CA5A: variants seen among roughly 807,000 people sequenced by gnomAD.
CA5A encodes the protein carbonic anhydrase 5A, mitochondrial.
In CA5A, 28 loss-of-function variants were observed where a neutral mutation model predicts 37.1. That is an observed-to-expected ratio of 0.75 (90% CI 0.56 to 1.03). The LOEUF (loss-of-function observed/expected upper bound fraction) is 1.03, where lower values mean the gene tolerates loss of function less well. Ranked by LOEUF, CA5A falls within the 50% of genes least tolerant of loss-of-function variation. CA5A has a pLI of 0.00. For synonymous variants in CA5A, 171 were observed against 158.4 expected, an observed-to-expected ratio of 1.08 and a Z score of -0.60; for missense variants, 444 against 399.9, an observed-to-expected ratio of 1.11 and a Z score of -0.94.
chr16:87,914,303 C>T (rs1025985482), intron 2 of CA5A, among the ~76,000 whole-genome samples: 10 of 152,192 alleles, frequency 6.6e-5, no homozygotes, highest in East Asian at 1.9e-4. Flanking sequence ...AGCTCATCAC[C>T]GTCCATCTCC....
chr16:87,898,309 C>T (rs1487427850), intron 5 of CA5A, among the ~76,000 whole-genome samples: 7 of 152,208 alleles, frequency 4.6e-5, no homozygotes, highest in Non-Finnish European at 8.8e-5. Flanking sequence ...CTGCTGAGTC[C>T]GCGGGGGAGT....
chr16:87,931,204 C>T lies in CA5A; in HGVS notation c.143-4259G>A, dbSNP rs1019921504. On this transcript the variant is annotated intron_variant, in intron 1 of 6. Transcript: ENST00000649794. ...TCAGTTCACTGCAACCTCCGCCTCC[C>T]GGGTTCAAGTGATTCTCCTGCCTCA... Among the ~76,000 whole-genome samples the T allele has an allele frequency of 4.6e-5, 7 of 151,674 alleles. 1 individual carries two copies. The highest frequency in any genetic ancestry group is 6.8e-3 in the Middle Eastern group (2 of 294).
In CA5A at chr16:87,911,294, G is replaced by A. The variant is rs566079782; in HGVS notation, c.341-6390C>T. Among the ~76,000 whole-genome samples, 14 of 152,026 alleles carry A rather than the reference G, an allele frequency of 9.2e-5. No individual in the cohort carries two copies. The highest frequency in any genetic ancestry group is 1.9e-4 in the East Asian group (1 of 5,194). On this transcript the variant is annotated intron_variant, in intron 2 of 6. Transcript: ENST00000649794. This position sits in a 1 kb window ranked among gnomAD's most constrained non-coding sequence, Gnocchi z 4.6. ...GATATAATTGAACGATTGCCTCAGCGCGTGCCAGACTCTCCAAACATAATA... is the reference window on the plus strand; with the variant it reads ...GATATAATTGAACGATTGCCTCAGCACGTGCCAGACTCTCCAAACATAATA...
chr16:87,890,667 G>A (rs1477911602), intron 6 of CA5A, among the ~76,000 whole-genome samples: 2 of 152,146 alleles, frequency 1.3e-5, no homozygotes, highest in Non-Finnish European at 2.9e-5. Context: ...CCAGGTTGGA[G>A]TGCAGTGGTG....
chr16:87,929,748 T>G (rs184577553), intron 1 of CA5A, among the ~76,000 whole-genome samples: 2,513 of 151,560 alleles, frequency 0.017, 36 homozygotes, highest in Non-Finnish European at 0.026. Context: ...GGCGGGCGCC[T>G]GTAGTCCCAG....
rs1230263816 is a variant in CA5A at position 87,926,121 on chromosome 16, G to A, written c.340+627C>T. The stretch of plus-strand genomic sequence containing the variant: ...ACCTGTAATCCCAGTTACTCAGGCT[G>A]AGGCAGGAGAATCACTTGAACCAGG... On this transcript the variant is annotated intron_variant, in intron 2 of 6. Transcript: ENST00000649794. 3.9e-5 allele frequency among the ~76,000 whole-genome samples: 6 copies of A among 152,186 alleles called. No individual in the cohort carries two copies. The South Asian group carries it at 1.2e-3, about 32-fold the overall frequency.
In CA5A at chr16:87,901,926, C is replaced by G; in HGVS notation, c.604G>C (p.Glu202Gln). ...TLQRLVDILP[E>Q]IKHKDARAAM... ...ATGCAGCTTACCTTATGTTTTATTT[C>G]CGGCAAGATGTCCACCAGCCTCTGC... The change falls in exon 5 of 7, where the codon GAA becomes CAA. Residue 202 changes from glutamate to glutamine, a missense_variant. Physicochemically the swap from Glu to Gln is conservative, Grantham distance 29. Transcript: ENST00000649794. The G allele has an allele frequency of 6.2e-7, 1 of 1,612,556 alleles. No individual in the cohort carries two copies. Among genetic ancestry groups the G allele is most frequent in the African/African-American group, 1.3e-5 (1 of 74,986 alleles).
Position 87,934,402 on chromosome 16 carries a change from C to G in CA5A, c.142+1907G>C, listed in dbSNP as rs55845027. Among the ~76,000 whole-genome samples the G allele has an allele frequency of 8.9e-3, 1,359 of 152,190 alleles. 16 individuals are homozygous for G. The highest frequency in any genetic ancestry group is 0.031 in the African/African-American group (1,300 of 41,510). ...TGAGCAACATGGAGAATCCCTGTAT[C>G]TACTAAAAATACAAAATTAGCCGGA... is the stretch of plus-strand genomic sequence containing the variant. On this transcript the variant is annotated intron_variant, in intron 1 of 6. Coordinates refer to ENST00000649794, the MANE Select transcript of CA5A (RefSeq NM_001739.2).
downstream of CA5A, chr16:87,886,532 G>GA (rs1183327624): frequency 1.3e-5 from 2 of 152,092 alleles, no homozygotes; most frequent in Non-Finnish European, 2.9e-5. Context: ...GGTATGGTGA[G>GA]AAAAAAGATT....
Position 87,893,040 on chromosome 16 carries a change from C to G in CA5A, c.619-1086G>C, listed in dbSNP as rs956617853. 19 of 1,221,172 alleles carry G rather than the reference C, an allele frequency of 1.6e-5. No homozygotes were observed. The African/African-American group carries it at 2.9e-4, about 19-fold the overall frequency. 75.6% of individuals were successfully genotyped at this position (1,221,172 alleles called of 1,614,324 possible). ...GATGGCAGACAAGAATGTGCCCAAC[C>G]TTCATGTCACGAAGGCCATGCAGTC... On this transcript the variant is annotated intron_variant, in intron 5 of 6. Coordinates refer to ENST00000649794, the MANE Select transcript of CA5A (RefSeq NM_001739.2).
rs375928926 is a variant in CA5A, at chr16:87,891,196, G to A, written c.774+603C>T. The stretch of plus-strand genomic sequence containing the variant: ...AGATAAGAAAAAGGAGGCCGGGCTC[G>A]GTGGCTTATGCCTGGAATCCCAGCG... On this transcript the variant is annotated intron_variant, in intron 6 of 6. Coordinates refer to ENST00000649794, the MANE Select transcript of CA5A (RefSeq NM_001739.2). 1.6e-4 allele frequency among the ~76,000 whole-genome samples: 25 copies of A among 151,518 alleles called. 1 individual carries two copies. The highest frequency in any genetic ancestry group is 3.2e-4 in the Non-Finnish European group (22 of 67,956).
intron 5 of CA5A, among the ~76,000 whole-genome samples, chr16:87,895,594 G>A (rs112875868): frequency 0.02 from 2,971 of 152,182 alleles, 101 homozygotes; most frequent in African/African-American, 0.068. Flanking sequence ...AAAAATTGAA[G>A]GGTACAGTTC....
intron 1 of CA5A, among the ~76,000 whole-genome samples, chr16:87,931,753 C>G (rs1056310360): frequency 5.3e-5 from 8 of 152,222 alleles, no homozygotes; most frequent in Non-Finnish European, 1.0e-4. Context: ...AGTGACTAAG[C>G]CGGCGCTGGG....
exon 5 of CA5A, chr16:87,881,604 G>A (rs539051878): frequency 6.6e-6 from 1 of 152,288 alleles, no homozygotes; most frequent in African/African-American, 2.4e-5. Context: ...GCAAAGGGAG[G>A]AAGCCTTGAA....
chr16:87,916,845 G>A (rs1357332043), intron 2 of CA5A, among the ~76,000 whole-genome samples: 4 of 151,988 alleles, frequency 2.6e-5, no homozygotes, highest in Admixed American at 2.6e-4. Flanking sequence ...GCTCACGCCT[G>A]TAATCCCAGC....
At chr16:87,912,046 A>G (rs1199927702) in intron 2 of CA5A, among the ~76,000 whole-genome samples, 9 of 152,308 alleles carry the variant, frequency 5.9e-5, no homozygotes, top group Admixed American at 4.6e-4. Context: ...TCATACCTGT[A>G]ATCCCAGCAC....
intron 2 of CA5A, among the ~76,000 whole-genome samples, chr16:87,907,450 C>A (rs1170536745): frequency 6.6e-6 from 1 of 152,182 alleles, no homozygotes; most frequent in Non-Finnish European, 1.5e-5. Context: ...TTGGGATGGG[C>A]TCACTCATGA....
chr16:87,889,485 T>G (rs1443793210), intron 6 of CA5A, among the ~76,000 whole-genome samples: 1 of 152,172 alleles, frequency 6.6e-6, no homozygotes, highest in East Asian at 1.9e-4. Flanking sequence ...AAAAGACTAC[T>G]TTTTATGGCT....
At chr16:87,928,916 C>T (rs1208993141) in intron 1 of CA5A, among the ~76,000 whole-genome samples, 12 of 150,324 alleles carry the variant, frequency 8.0e-5, no homozygotes, top group South Asian at 4.2e-4. Context: ...TACAGGCACG[C>T]GCCGCCACAC....
Sources: allele counts gnomAD v4.1 joint callset (sites outside exome capture counted in the v4.1 genomes callset), GRCh38; gene constraint gnomAD v4.1.1; non-coding constraint Gnocchi (gnomAD v3.1); transcripts MANE v1.5; gene names NCBI Gene and HGNC (gene_info 2026-07-23, HGNC 2026-07-21).